The following GALK2 variants were observed in gnomAD, a reference collection of about 807,000 sequenced individuals.
The protein encoded by GALK2 is N-acetylgalactosamine kinase.
Under a neutral mutation model 52.4 loss-of-function variants are expected in GALK2, and 36 were observed. That is an observed-to-expected ratio of 0.69 (90% CI 0.53 to 0.91). The LOEUF is 0.91. GALK2 is among the 40% of genes least tolerant of loss of function. The pLI is 0.00. For missense variants in GALK2, 579 were observed against 559.1 expected, an observed-to-expected ratio of 1.04 and a Z score of -0.36; for synonymous variants, 176 against 199.1, an observed-to-expected ratio of 0.88 and a Z score of 0.98.
At chr15:49,348,132 G>A (rs900147971) in intron 3 of GALK2, among the ~76,000 whole-genome samples, 1 of 151,912 alleles carries the variant, frequency 6.6e-6, no homozygotes, top group Admixed American at 6.6e-5. Context: ...CCCTGATAAG[G>A]CTGGATAAAC....
chr15:49,221,206 G>A (rs2089768951), intron 3 of GALK2, among the ~76,000 whole-genome samples: 1 of 152,246 alleles, frequency 6.6e-6, no homozygotes, highest in South Asian at 2.1e-4. Flanking sequence ...TTTTATAGTT[G>A]TGGGTGTTAT....
intron 3 of GALK2, chr15:49,365,050 C>CA: frequency 3.7e-6 from 2 of 536,542 alleles, no homozygotes; most frequent in Non-Finnish European, 6.8e-6. Context: ...ATTGTCAATT[C>CA]AAAAATCAAT....
At chr15:49,195,001 G>T in intron 1 of GALK2, 3 of 389,694 alleles carry the variant, frequency 7.7e-6, no homozygotes, top group South Asian at 1.8e-5. Context: ...ATTAACTTTG[G>T]GAGAACTACA....
intron 3 of GALK2, chr15:49,226,645 C>T (rs2090152377): frequency 6.6e-6 from 1 of 151,756 alleles, no homozygotes; most frequent in Admixed American, 6.6e-5. Flanking sequence ...TTTCTTATTG[C>T]TTTTCTAATT....
In GALK2 at chr15:49,319,732, CA is replaced by C. The variant is rs771599120; in HGVS notation, c.1097del (p.Gln366ArgfsTer4). 2.5e-6 allele frequency: 4 copies of C among 1,614,090 alleles called. No homozygotes were observed. Among genetic ancestry groups the C allele is most frequent in the Non-Finnish European group, 3.4e-6 (4 of 1,180,026 alleles). ...CCAGCTGCTGGGAGAGTTGATGAAC[CA>C]GAGCCACATGAGCTGCCGGGACATG... ...MVQLLGELMN[Q>X]SHMSCRDMYE... On this transcript the variant is annotated frameshift_variant, in exon 9 of 10. Coordinates refer to ENST00000560031, the MANE Select transcript of GALK2 (RefSeq NM_002044.4). LOFTEE classifies it high-confidence loss of function.
intron 9 of GALK2, among the ~76,000 whole-genome samples, chr15:49,326,112 A>G (rs558073664): frequency 4.5e-4 from 68 of 152,284 alleles, no homozygotes; most frequent in African/African-American, 1.5e-3. Flanking sequence ...ATCAAGTAAG[A>G]AGGCACAGTA....
At chr15:49,170,014 A>T, upstream of GALK2, 1 of 345,046 alleles carries the variant, frequency 2.9e-6, no homozygotes, top group Non-Finnish European at 5.3e-6. Context: ...AGAAAACCTC[A>T]CTAGTCAGCT....
upstream of GALK2, among the ~76,000 whole-genome samples, chr15:49,169,692 T>C (rs1000300829): frequency 6.6e-6 from 1 of 152,192 alleles, no homozygotes; most frequent in East Asian, 1.9e-4. Context: ...TTAAAAGGCA[T>C]GTGTTTCCGT....
chr15:49,169,729 C>A (rs2084944657), upstream of GALK2, among the ~76,000 whole-genome samples: 2 of 152,072 alleles, frequency 1.3e-5, no homozygotes, highest in Admixed American at 1.3e-4. Flanking sequence ...TCTAGGAAGG[C>A]CCACCAATGC....
At chr15:49,225,408 C>T in intron 3 of GALK2, 2 of 363,602 alleles carry the variant, frequency 5.5e-6, no homozygotes, top group Non-Finnish European at 1.1e-5. Context: ...GTCAGATCAG[C>T]AGTGGCATTA....
At chr15:49,186,253 C>T (rs2086329717) in intron 1 of GALK2, among the ~76,000 whole-genome samples, 1 of 152,114 alleles carries the variant, frequency 6.6e-6, no homozygotes, top group African/African-American at 2.4e-5. Context: ...TAGACTTGCC[C>T]TTTACAGGCT....
intron 1 of GALK2, among the ~76,000 whole-genome samples, chr15:49,194,672 C>T (rs1045970540): frequency 2.7e-5 from 4 of 150,656 alleles, no homozygotes; most frequent in Non-Finnish European, 1.5e-5. Context: ...CTTGGCTCAC[C>T]GCAACCTCTG....
chr15:49,220,439 G>T (rs1236997522), intron 3 of GALK2, among the ~76,000 whole-genome samples: 1 of 151,966 alleles, frequency 6.6e-6, no homozygotes, highest in Admixed American at 6.6e-5. Flanking sequence ...TGGCTGAGTA[G>T]TATTCCATTG....
At chr15:49,278,264 A>G (rs2032176778) in intron 5 of GALK2, among the ~76,000 whole-genome samples, 1 of 152,206 alleles carries the variant, frequency 6.6e-6, no homozygotes, top group Non-Finnish European at 1.5e-5. Context: ...CTGACTCAAA[A>G]AAACAAAAAC....
chr15:49,278,527 T>C (rs1463606257), intron 5 of GALK2, among the ~76,000 whole-genome samples: 1 of 152,252 alleles, frequency 6.6e-6, no homozygotes, highest in Non-Finnish European at 1.5e-5. Context: ...TGTAGTACTT[T>C]AGAGCACTAT....
intron 1 of GALK2, among the ~76,000 whole-genome samples, chr15:49,179,310 G>A (rs2085769001): frequency 6.6e-6 from 1 of 152,140 alleles, no homozygotes; most frequent in African/African-American, 2.4e-5. Flanking sequence ...GGAAAATTGA[G>A]GCATGGAGCA....
upstream of GALK2, among the ~76,000 whole-genome samples, chr15:49,167,421 T>G (rs571760329): frequency 3.0e-4 from 46 of 152,250 alleles, no homozygotes; most frequent in African/African-American, 1.1e-3. Context: ...TGCAGTGGCG[T>G]GATTTTGGCT....
At chr15:49,235,669 C>G in intron 3 of GALK2, 182 bp from the exon 4 acceptor site, 1 of 730,012 alleles carries the variant, frequency 1.4e-6, no homozygotes, top group Non-Finnish European at 2.5e-6. Flanking sequence ...ACTAAGGCCA[C>G]TGCAACTTCC....
chr15:49,282,257 A>G (rs943548220), intron 6 of GALK2, among the ~76,000 whole-genome samples, 172 bp downstream of exon 6: 1 of 152,216 alleles, frequency 6.6e-6, no homozygotes, highest in Middle Eastern at 3.2e-3. Flanking sequence ...CCACCAGTTA[A>G]TCTACTCTAT....
Sources: gnomAD v4.1 joint callset for allele counts (sites outside exome capture counted in the v4.1 genomes callset) on GRCh38, gnomAD v4.1.1 for gene constraint, MANE v1.5 for transcripts, NCBI Gene and HGNC (gene_info 2026-07-23, HGNC 2026-07-21) for gene names.